MGAM: variants seen among roughly 807,000 people sequenced by gnomAD.
MGAM encodes the protein alpha-1,4-glucosidase.
MGAM carries 253 observed loss-of-function variants against 358.8 expected under a neutral mutation model. That is an observed-to-expected ratio of 0.71 (90% CI 0.64 to 0.78). MGAM has a LOEUF of 0.78. MGAM is among the 30% of genes least tolerant of loss of function. MGAM has a pLI of 0.00. For synonymous variants in MGAM, 1,105 were observed against 1,227.1 expected (o/e 0.90, Z 2.08); for missense variants, 3,080 against 3,432.6 (o/e 0.90, Z 2.57).
chr7:142,064,508 C>A lies in MGAM; in HGVS notation c.4470C>A (p.Thr1490=), dbSNP rs760032666. ...NVHNLYGWSQ[T]RPTYEAVQEV... ...ACAACCTGTATGGGTGGTCCCAGAC[C>A]AGACCCACATACGAGTGAGTCTCCG... The change falls in exon 37 of 71, where the codon ACC becomes ACA. Residue 1490 remains threonine, a synonymous_variant. Coordinates refer to ENST00000475668, the MANE Select transcript of MGAM (RefSeq NM_001365693.1). 1.9e-6 allele frequency: 3 copies of A among 1,575,776 alleles called. No homozygotes were observed. The highest frequency in any genetic ancestry group is 1.2e-5 in the South Asian group (1 of 85,546).
intron 3 of MGAM, among the ~76,000 whole-genome samples, chr7:142,011,763 C>A (rs1805616710): frequency 6.6e-6 from 1 of 152,126 alleles, no homozygotes; most frequent in Non-Finnish European, 1.5e-5. Flanking sequence ...AAGGTTCTGG[C>A]AAATGTTTCT....
chr7:142,088,648 A>ATCTG (rs1250592944), intron 57 of MGAM, among the ~76,000 whole-genome samples: 9 of 121,538 alleles, frequency 7.4e-5, no homozygotes, highest in Non-Finnish European at 1.1e-4. Context: ...CTATCTTTCT[A>ATCTG]TCTGTCTGTC....
chr7:142,040,630 G>C, intron 20 of MGAM, 92 bp from the exon 21 acceptor site: 1 of 1,474,684 alleles, frequency 6.8e-7, no homozygotes, highest in Non-Finnish European at 9.2e-7. Context: ...AATTGGAAAA[G>C]GGAGAGAGCT....
At chr7:142,062,925 G>A (rs746716358) in intron 35 of MGAM, among the ~76,000 whole-genome samples, 4 of 152,186 alleles carry the variant, frequency 2.6e-5, no homozygotes, top group Non-Finnish European at 5.9e-5. Context: ...GGGACCAGGC[G>A]TGGTGGTTCA....
In MGAM at chr7:142,050,852, T is replaced by G; in HGVS notation, c.2793T>G (p.Asp931Glu). The G allele has an allele frequency of 6.2e-7, 1 of 1,613,650 alleles. No individual in the cohort carries two copies. The highest frequency in any genetic ancestry group is 8.5e-7 in the Non-Finnish European group (1 of 1,179,628). Residue 931 changes from aspartate to glutamate, a missense_variant, in exon 24 of 71, where the codon GAT (aspartate) becomes GAG (glutamate). Coordinates refer to ENST00000475668, the MANE Select transcript of MGAM (RefSeq NM_001365693.1). ...AGACTTCTCCTACAGTCACTTATGA[T>G]TCTAACCTGAAGGTAAAAACCCATT... ...PSQTSPTVTY[D>E]SNLKVAIITD...
chr7:141,989,413 C>T (rs1171568371), intron 2 of MGAM, among the ~76,000 whole-genome samples: 2 of 152,162 alleles, frequency 1.3e-5, no homozygotes, highest in Admixed American at 6.5e-5. Context: ...ATGAAGTACT[C>T]ATGATCATCC....
chr7:142,027,544 A>G (rs782601893), intron 9 of MGAM, 66 bp from the exon 10 acceptor site: 46 of 1,571,956 alleles, frequency 2.9e-5, no homozygotes, highest in Non-Finnish European at 3.9e-5. Context: ...TCTGAAAGCA[A>G]TGCTTCGAAA....
chr7:142,073,592 T>C (rs1276530608), intron 44 of MGAM, among the ~76,000 whole-genome samples: 4 of 146,612 alleles, frequency 2.7e-5, no homozygotes, highest in African/African-American at 9.7e-5. Flanking sequence ...AACAAACTAA[T>C]AATAAATAAT....
Position 142,056,930 on chromosome 7 carries a change from GC to G in MGAM, c.3682del (p.Gln1228SerfsTer5), listed in dbSNP as rs1403793738. Reference sequence around the variant, plus strand: ...GGCCGACTCCAGAGCTTGTCACCCAGCAGTACACTGAGGTAGGGGGAAATCC... The same window carrying G: ...GGCCGACTCCAGAGCTTGTCACCCAGAGTACACTGAGGTAGGGGGAAATCC... ...LGPTPELVTQQYTELIGRPVM... is the reference protein window; with the variant it reads ...LGPTPELVTQXYTELIGRPVM... On this transcript the variant is annotated frameshift_variant, in exon 30 of 71. Transcript: ENST00000475668. LOFTEE classifies it high-confidence loss of function. 2 of 1,613,710 alleles carry G rather than the reference GC, an allele frequency of 1.2e-6. No individual in the cohort carries two copies. Among genetic ancestry groups the G allele is most frequent in the Admixed American group, 3.3e-5 (2 of 60,004 alleles).
At chr7:142,041,928 A>AAT (rs71531987) in intron 21 of MGAM, among the ~76,000 whole-genome samples, 236 of 16,436 alleles carry the variant, frequency 0.014, 21 homozygotes, top group African/African-American at 0.077. Context: ...TATAATATAT[A>AAT]ATATATATAT....
At chr7:142,035,715 C>T (rs1554465538) in intron 16 of MGAM, among the ~76,000 whole-genome samples, 1 of 151,984 alleles carries the variant, frequency 6.6e-6, no homozygotes, top group African/African-American at 2.4e-5. Flanking sequence ...GGGTTGGAAC[C>T]AGGTTTTAAA....
chr7:142,001,764 C>A (rs183040679), intron 1 of MGAM, among the ~76,000 whole-genome samples: 1 of 152,156 alleles, frequency 6.6e-6, no homozygotes, highest in Non-Finnish European at 1.5e-5. Flanking sequence ...AACACCAAGT[C>A]GGGTGTGGTG....
chr7:142,047,672 A>T, intron 21 of MGAM, 113 bp from the exon 22 acceptor site: 1 of 955,550 alleles, frequency 1.0e-6, no homozygotes, highest in Non-Finnish European at 1.6e-6. Flanking sequence ...AGAAAAGCAG[A>T]ACCATCTGCT....
At position 142,045,777 on chromosome 7, in the gene MGAM, T is replaced by G. The variant is rs1253377510; in HGVS notation, c.2499-2008T>G. On this transcript the variant is annotated intron_variant, in intron 21 of 70. Coordinates refer to ENST00000475668, the MANE Select transcript of MGAM (RefSeq NM_001365693.1). The stretch of plus-strand genomic sequence containing the variant: ...ATCATATATACATACAATGTATGAA[T>G]ATATAATATACATATCGTATATACA... Among the ~76,000 whole-genome samples, 2 of 121,924 alleles carry G rather than the reference T, an allele frequency of 1.6e-5. 1 individual carries two copies. The highest frequency in any genetic ancestry group is 6.7e-5 in the African/African-American group (2 of 30,004). 80.0% of individuals were successfully genotyped at this position (121,924 alleles called of 152,430 possible).
chr7:142,005,745 C>T (rs781082894), intron 2 of MGAM, 88 bp downstream of exon 2: 25 of 1,329,930 alleles, frequency 1.9e-5, no homozygotes, highest in Non-Finnish European at 2.4e-5. Context: ...CTTTCATGCT[C>T]ATGTGTGTAT....
In MGAM at chr7:142,036,164, TC is replaced by T. The variant is rs1317060465; in HGVS notation, c.1960-3del. ...GGTATACCTGTTGTCTGTGTGTCCT[TC>T]CAGGTGGGTCCTGACATATGTGGCT... is the stretch of plus-strand genomic sequence containing the variant. On this transcript the variant is annotated splice_region_variant and splice_polypyrimidine_tract_variant and intron_variant, in intron 16 of 70. Coordinates refer to ENST00000475668, the MANE Select transcript of MGAM (RefSeq NM_001365693.1). 2 of 1,601,072 alleles carry T rather than the reference TC, an allele frequency of 1.2e-6. No homozygotes were observed. The highest frequency in any genetic ancestry group is 2.7e-5 in the African/African-American group (2 of 74,772).
intron 48 of MGAM, 137 bp downstream of exon 48, chr7:142,078,607 C>T: frequency 9.0e-7 from 1 of 1,116,000 alleles, no homozygotes; most frequent in East Asian, 2.6e-5. Flanking sequence ...CTGGATGTGA[C>T]AAGTAGGTGG....
intron 3 of MGAM, among the ~76,000 whole-genome samples, chr7:142,009,036 G>A (rs535703245): frequency 2.6e-5 from 4 of 152,246 alleles, no homozygotes; most frequent in East Asian, 1.9e-4. Context: ...TACTAAAAAC[G>A]TATTTGTCTT....
Position 142,027,206 on chromosome 7 carries a change from A to G in MGAM, c.1074A>G (p.Gln358=), listed in dbSNP as rs1554461263. ...FYVFLGNTPE[Q]VVQEYLELIG... ...TGTTCTTGGGAAACACTCCAGAGCA[A>G]GTTGTTCAAGAATATCTAGAGGTAA... is the stretch of plus-strand genomic sequence containing the variant. Residue 358 remains glutamine (Q), a synonymous_variant, in exon 9 of 71, where the codon CAA becomes CAG. Coordinates refer to ENST00000475668, the MANE Select transcript of MGAM (RefSeq NM_001365693.1). 6.2e-7 allele frequency: 1 copy of G among 1,612,304 alleles called. No individual in the cohort carries two copies. The highest frequency in any genetic ancestry group is 1.7e-5 in the Admixed American group (1 of 60,010).
Sources: allele counts gnomAD v4.1 joint callset (sites outside exome capture counted in the v4.1 genomes callset), GRCh38; gene constraint gnomAD v4.1.1; transcripts MANE v1.5; gene names NCBI Gene and HGNC (gene_info 2026-07-23, HGNC 2026-07-21).